The following MAML1 variants were observed in gnomAD, a reference collection of about 807,000 sequenced individuals.
MAML1 encodes mastermind-like protein 1.
Under a neutral mutation model 77.1 loss-of-function variants are expected in MAML1, and 14 were observed. The observed-to-expected ratio is 0.18, with a 90% CI of 0.12 to 0.28. The LOEUF (loss-of-function observed/expected upper bound fraction) is 0.28, where lower values mean the gene tolerates loss of function less well. Among genes scored for constraint, MAML1 ranks in the 10% least tolerant of loss-of-function variants. The probability of loss-of-function intolerance (pLI) is 1.00; values close to 1 mark genes in which losing one functional copy is unlikely to be tolerated. For missense variants in MAML1, 1,217 were observed against 1,327.8 expected (o/e 0.92, Z 1.30); for synonymous variants, 516 against 551.9 (o/e 0.93, Z 0.91).
At chr5:179,737,737 A>G (rs539695875) in intron 1 of MAML1, among the ~76,000 whole-genome samples, 2 of 97,152 alleles carry the variant, frequency 2.1e-5, no homozygotes, top group South Asian at 2.9e-4. Flanking sequence ...TCTGTTAGAG[A>G]TGAATCAGAA....
In MAML1 at chr5:179,775,931, C is replaced by T. The variant is rs564664540; in HGVS notation, c.*1054C>T. The T allele has an allele frequency of 3.2e-5, 32 of 985,678 alleles. No homozygotes were observed. The highest frequency in any genetic ancestry group is 1.8e-4 in the Admixed American group (3 of 16,284). 61.1% of individuals were successfully genotyped at this position (985,678 alleles called of 1,614,324 possible). ...GCATAAAGGTTTTGGGGAAGGAGGC[C>T]GTAGGCCGGCCCGGAGGAAGCAATT... On this transcript the variant is annotated 3_prime_UTR_variant, in exon 5 of 5. Coordinates refer to ENST00000292599, the MANE Select transcript of MAML1 (RefSeq NM_014757.5).
rs1475353285 is a variant in MAML1 at position 179,765,312 on chromosome 5, T to G, written c.316-14T>G. 1.3e-6 allele frequency: 2 copies of G among 1,566,128 alleles called. No individual in the cohort carries two copies. Among genetic ancestry groups the G allele is most frequent in the Non-Finnish European group, 8.6e-7 (1 of 1,157,238 alleles). On this transcript the variant is annotated splice_polypyrimidine_tract_variant and intron_variant, in intron 1 of 4. Coordinates refer to ENST00000292599, the MANE Select transcript of MAML1 (RefSeq NM_014757.5). ...TCATATGTATCTTAAGTCATTCTTT[T>G]CAATGTTTTTCAGCATCTTCATGAT...
chr5:179,750,680 C>T (rs1465710300), intron 1 of MAML1, among the ~76,000 whole-genome samples: 2 of 152,106 alleles, frequency 1.3e-5, no homozygotes, highest in African/African-American at 2.4e-5. Flanking sequence ...AGGCTGGTCT[C>T]GAACTCCTGA....
At chr5:179,758,814 C>G (rs1397276385) in intron 1 of MAML1, among the ~76,000 whole-genome samples, 1 of 152,186 alleles carries the variant, frequency 6.6e-6, no homozygotes, top group Middle Eastern at 3.4e-3. Flanking sequence ...ACCAGCCTCG[C>G]CAACATGGTG....
intron 3 of MAML1, among the ~76,000 whole-genome samples, chr5:179,770,721 A>G (rs1332600887): frequency 6.6e-6 from 1 of 152,182 alleles, no homozygotes; most frequent in African/African-American, 2.4e-5. Context: ...GCTGGATCAC[A>G]TGGTAATTTT....
chr5:179,762,628 C>T (rs935620253), intron 1 of MAML1, among the ~76,000 whole-genome samples: 14 of 152,188 alleles, frequency 9.2e-5, no homozygotes, highest in African/African-American at 3.1e-4. Flanking sequence ...TGTATTTATA[C>T]GTGGCAGCCA....
At chr5:179,763,576 T>A (rs1198447550) in intron 1 of MAML1, among the ~76,000 whole-genome samples, 1 of 152,118 alleles carries the variant, frequency 6.6e-6, no homozygotes, top group African/African-American at 2.4e-5. Flanking sequence ...AAGCAAATCT[T>A]GATGTGGGGA....
chr5:179,767,137 A>G (rs1779836885), intron 2 of MAML1, among the ~76,000 whole-genome samples: 2 of 120,650 alleles, frequency 1.7e-5, no homozygotes, highest in South Asian at 4.9e-4. Context: ...TCAGATCTCC[A>G]TGTACAAAAT....
chr5:179,767,095 CTTT>C (rs10707656), intron 2 of MAML1, among the ~76,000 whole-genome samples: 51 of 100,930 alleles, frequency 5.1e-4, no homozygotes, highest in African/African-American at 1.8e-3. Flanking sequence ...AGAGGCTTGG[CTTT>C]TTTTTTTTTT....
chr5:179,742,141 G>A (rs373285446), intron 1 of MAML1, among the ~76,000 whole-genome samples: 5 of 151,140 alleles, frequency 3.3e-5, no homozygotes, highest in East Asian at 4.0e-4. Context: ...CCAAAGTGCC[G>A]GGATTACAGG....
At chr5:179,746,293 C>T (rs1470491651) in intron 1 of MAML1, among the ~76,000 whole-genome samples, 2 of 151,840 alleles carry the variant, frequency 1.3e-5, no homozygotes, top group Non-Finnish European at 2.9e-5. Flanking sequence ...TTGCAGTGAG[C>T]GGAGATTGTG....
At chr5:179,758,428 T>C (rs1779665507) in intron 1 of MAML1, among the ~76,000 whole-genome samples, 2 of 151,734 alleles carry the variant, frequency 1.3e-5, no homozygotes, top group South Asian at 2.1e-4. Flanking sequence ...GGTCTTTCTC[T>C]GTCCCCTAGG....
rs768616160 is a variant in MAML1 at position 179,771,927 on chromosome 5, G to C, written c.2068+684G>C. Reference sequence around the variant, plus strand: ...GGTCCCAGAGAGACTGACCACAGCTGTGTGTCCTGGAGGAGACCAGGTACG... The same window carrying C: ...GGTCCCAGAGAGACTGACCACAGCTCTGTGTCCTGGAGGAGACCAGGTACG... On this transcript the variant is annotated intron_variant, in intron 4 of 4. Transcript: ENST00000292599. This position sits in a 1 kb window ranked among gnomAD's most constrained non-coding sequence, Gnocchi z 4.7. Among the ~76,000 whole-genome samples, 1 of 152,238 alleles carries C rather than the reference G, an allele frequency of 6.6e-6. No homozygotes were observed. Among genetic ancestry groups the C allele is most frequent in the Non-Finnish European group, 1.5e-5 (1 of 68,040 alleles).
chr5:179,746,543 T>C (rs1779388218), intron 1 of MAML1, among the ~76,000 whole-genome samples: 1 of 151,624 alleles, frequency 6.6e-6, no homozygotes, highest in Non-Finnish European at 1.5e-5. Flanking sequence ...CCGGCTAATT[T>C]TGTATTTTTA....
chr5:179,750,788 T>G (rs1382893436), intron 1 of MAML1, among the ~76,000 whole-genome samples: 2 of 151,880 alleles, frequency 1.3e-5, no homozygotes, highest in African/African-American at 4.8e-5. Context: ...AATGAGATGA[T>G]GAGGAAGAGT....
intron 1 of MAML1, among the ~76,000 whole-genome samples, chr5:179,739,519 T>C (rs1032021140): frequency 7.2e-5 from 11 of 152,094 alleles, no homozygotes; most frequent in Middle Eastern, 3.2e-3. Context: ...CTGAGCAGCA[T>C]AGTGAGATGT....
chr5:179,734,764 A>G (rs1160379625), intron 1 of MAML1, among the ~76,000 whole-genome samples: 1 of 151,968 alleles, frequency 6.6e-6, no homozygotes, highest in Non-Finnish European at 1.5e-5. Context: ...CAGCCTCCTC[A>G]GTCCTCCCGC....
Position 179,776,931 on chromosome 5 carries a change from C to T in MAML1, c.*2054C>T. 1.0e-6 allele frequency: 1 copy of T among 985,850 alleles called. No individual in the cohort carries two copies. Among genetic ancestry groups the T allele is most frequent in the Non-Finnish European group, 1.2e-6 (1 of 829,906 alleles). 61.1% of individuals were successfully genotyped at this position (985,850 alleles called of 1,614,324 possible). A position where few individuals can be genotyped will look rare whatever the true frequency, so the allele number is the denominator to read the frequency against. ...GCACAGCCCCGTCTTCCAGGAGCCA[C>T]AACTCAGAAGAAAAGGGTGCTCAGA... On this transcript the variant is annotated 3_prime_UTR_variant, in exon 5 of 5. Coordinates refer to ENST00000292599, the MANE Select transcript of MAML1 (RefSeq NM_014757.5).
chr5:179,741,354 G>A (rs1454771096), intron 1 of MAML1, among the ~76,000 whole-genome samples: 2 of 152,140 alleles, frequency 1.3e-5, no homozygotes, highest in African/African-American at 4.8e-5. Flanking sequence ...ATTGAGGAAG[G>A]GGGATGCCTT....
Sources: allele counts gnomAD v4.1 joint callset (sites outside exome capture counted in the v4.1 genomes callset), GRCh38; gene constraint gnomAD v4.1.1; non-coding constraint Gnocchi (gnomAD v3.1); transcripts MANE v1.5; gene names NCBI Gene and HGNC (gene_info 2026-07-23, HGNC 2026-07-21).